SON: variants seen among roughly 807,000 people sequenced by gnomAD.
The protein encoded by SON is SON DNA and RNA binding protein, also known as protein SON.
Under a neutral mutation model 173.3 loss-of-function variants are expected in SON, and 4 were observed. That is an observed-to-expected ratio of 0.02 (90% CI 0.01 to 0.05). The LOEUF is 0.05. Ranked by LOEUF, SON falls within the 10% of genes least tolerant of loss-of-function variation. The pLI is 1.00. For synonymous variants in SON, 1,190 were observed against 1,105.9 expected (o/e 1.08, Z -1.51); for missense variants, 2,626 against 3,055.3 (o/e 0.86, Z 3.31).
rs552052844 is a variant in SON, at chr21:33,559,295, G to C, written c.6387G>C (p.Ser2129=). 3.1e-6 allele frequency: 5 copies of C among 1,611,448 alleles called. No homozygotes were observed. Among genetic ancestry groups the C allele is most frequent in the Non-Finnish European group, 4.2e-6 (5 of 1,178,466 alleles). The change falls in exon 5 of 12, where the codon TCG becomes TCC. Residue 2129 remains serine (S), a synonymous_variant. Coordinates refer to ENST00000356577, the MANE Select transcript of SON (RefSeq NM_138927.4). This position sits in a 1 kb window ranked among gnomAD's most constrained non-coding sequence, Gnocchi z 4.1. ...TAATAGTGAATAAACCTCATGTTTC[G>C]GATGAAGAGGAAGAAGAACCTCCTT... The part of the protein sequence containing the change: ...DDVIVNKPHV[S]DEEEEEPPFY...
rs1008838311 is a variant in SON at position 33,550,216 on chromosome 21, C to T, written c.985C>T (p.Pro329Ser). 59 of 1,614,110 alleles carry T rather than the reference C, an allele frequency of 3.7e-5. No homozygotes were observed. Among genetic ancestry groups the T allele is most frequent in the Non-Finnish European group, 4.7e-5 (56 of 1,180,044 alleles). Residue 329 changes from proline to serine, a missense_variant, in exon 3 of 12, where the codon CCA (proline) becomes TCA (serine). Coordinates refer to ENST00000356577, the MANE Select transcript of SON (RefSeq NM_138927.4). ...EPSTSTTMDFPESSAIEALRL... is the reference protein window; with the variant it reads ...EPSTSTTMDFSESSAIEALRL... ...AAGCACATCAACAACAATGGATTTT[C>T]CAGAGTCATCTGCAATTGAAGCGCT...
At position 33,552,878 on chromosome 21, in the gene SON, G is replaced by A; in HGVS notation, c.3647G>A (p.Ser1216Asn). ...ESVSQPEPPVSQSEISEPSAV... is the reference protein window; with the variant it reads ...ESVSQPEPPVNQSEISEPSAV... The stretch of plus-strand genomic sequence containing the variant: ...GTATCGCAGCCTGAGCCTCCTGTGA[G>A]TCAAAGTGAGATTTCGGAGCCTTCA... The change falls in exon 3 of 12, where the codon AGT becomes AAT. Residue 1216 changes from serine to asparagine, a missense_variant. Transcript: ENST00000356577. This position sits in a 1 kb window ranked among gnomAD's most constrained non-coding sequence, Gnocchi z 5.6. The A allele has an allele frequency of 6.2e-7, 1 of 1,613,692 alleles. No homozygotes were observed. The highest frequency in any genetic ancestry group is 8.5e-7 in the Non-Finnish European group (1 of 1,179,666).
rs1364553804 is a variant in SON, at chr21:33,559,173, A to G, written c.6322-57A>G. Reference sequence around the variant, plus strand: ...TATTATGTGGTTTTGATTCTAAGAAATTACATGTTCTACATAAAGCGTAAG... The same window carrying G: ...TATTATGTGGTTTTGATTCTAAGAAGTTACATGTTCTACATAAAGCGTAAG... On this transcript the variant is annotated intron_variant, in intron 4 of 11. Transcript: ENST00000356577. The surrounding 1 kb of genome is among the most constrained non-coding windows in gnomAD (Gnocchi z 4.1). 7.5e-7 allele frequency: 1 copy of G among 1,339,126 alleles called. No individual in the cohort carries two copies. The highest frequency in any genetic ancestry group is 1.0e-6 in the Non-Finnish European group (1 of 1,002,378). The allele number at this position is 1,339,126 out of a possible 1,614,324, so 83.0% of individuals were successfully genotyped here. A position where few individuals can be genotyped will look rare whatever the true frequency, so the allele number is the denominator to read the frequency against.
At chr21:33,574,460 T>C (rs2086354559) in intron 9 of SON, among the ~76,000 whole-genome samples, 1 of 152,226 alleles carries the variant, frequency 6.6e-6, no homozygotes, top group Non-Finnish European at 1.5e-5. Context: ...TTTCCCAGGA[T>C]AGGTTTAGAA....
Position 33,553,394 on chromosome 21 carries a change from T to G in SON, c.4163T>G (p.Val1388Gly). The change falls in exon 3 of 12, where the codon GTT becomes GGT. Residue 1388 changes from valine to glycine, a missense_variant. Coordinates refer to ENST00000356577, the MANE Select transcript of SON (RefSeq NM_138927.4). Reference sequence around the variant, plus strand: ...ACTGTAACTGTCCTGGAGCCTTCGGTTGTGACTGTCCCGGAGCCTCCTGTT... The same window carrying G: ...ACTGTAACTGTCCTGGAGCCTTCGGGTGTGACTGTCCCGGAGCCTCCTGTT... ...SSTVTVLEPS[V>G]VTVPEPPVVA... The G allele has an allele frequency of 6.2e-7, 1 of 1,613,592 alleles. No individual in the cohort carries two copies.
chr21:33,556,217 G>A (rs1251895980), intron 3 of SON, among the ~76,000 whole-genome samples: 1 of 152,170 alleles, frequency 6.6e-6, no homozygotes, highest in Non-Finnish European at 1.5e-5. Context: ...CACAGCAGAG[G>A]AACAGTATGT....
intron 1 of SON, chr21:33,543,469 C>T (rs1446032848): frequency 4.7e-6 from 2 of 422,710 alleles, no homozygotes; most frequent in East Asian, 4.8e-5. Flanking sequence ...TACTCGTAGG[C>T]CCGGTTGTCC....
intron 8 of SON, chr21:33,569,663 C>T: frequency 2.2e-6 from 1 of 448,856 alleles, no homozygotes; most frequent in Middle Eastern, 3.4e-4. Flanking sequence ...TTGTCAGCTG[C>T]TGGTTACAGC....
chr21:33,550,940 C>T lies in SON; in HGVS notation c.1709C>T (p.Pro570Leu), dbSNP rs1472398516. 1 of 1,605,310 alleles carries T rather than the reference C, an allele frequency of 6.2e-7. No homozygotes were observed. The highest frequency in any genetic ancestry group is 1.7e-5 in the Admixed American group (1 of 59,414). Residue 570 changes from proline (P) to leucine (L), a missense_variant, in exon 3 of 12, where the codon CCA becomes CTA. Coordinates refer to ENST00000356577, the MANE Select transcript of SON (RefSeq NM_138927.4). The part of the protein sequence containing the change: ...LPGQPSVTGV[P>L]ELPGLPSATR... ...GGGCAGCCTTCGGTGACTGGGGTGC[C>T]AGAGTTGCCAGGGCTGCCTTCGGCA...
intron 6 of SON, among the ~76,000 whole-genome samples, chr21:33,561,626 G>A (rs1298909062): frequency 1.3e-5 from 2 of 152,024 alleles, no homozygotes; most frequent in African/African-American, 4.8e-5. Flanking sequence ...TTTTTTGAGA[G>A]AGAGAGAGTG....
At chr21:33,570,544 G>A (rs1232170660) in intron 8 of SON, among the ~76,000 whole-genome samples, 1 of 152,096 alleles carries the variant, frequency 6.6e-6, no homozygotes, top group Non-Finnish European at 1.5e-5. Flanking sequence ...TTAGAATAAA[G>A]GGTGAAAATG....
Position 33,554,510 on chromosome 21 carries a change from A to G in SON, c.5279A>G (p.Asp1760Gly). Residue 1760 changes from aspartate (D) to glycine (G), a missense_variant, in exon 3 of 12, where the codon GAT becomes GGT. Transcript: ENST00000356577. ...ATTGAAGGACCTTTACTTGCAAGTG[A>G]TGTTGGACGTGACAGATCTGCTGCC... is the stretch of plus-strand genomic sequence containing the variant. ...AGIEGPLLAS[D>G]VGRDRSAASP... 6.2e-7 allele frequency: 1 copy of G among 1,614,154 alleles called. No individual in the cohort carries two copies. The highest frequency in any genetic ancestry group is 1.1e-5 in the South Asian group (1 of 91,076).
In SON at chr21:33,546,508, G is replaced by A. The variant is rs548583552; in HGVS notation, c.244+129G>A. 144 of 696,636 alleles carry A rather than the reference G, an allele frequency of 2.1e-4. 3 individuals carry two copies. The South Asian group carries it at 2.5e-3, about 12-fold the overall frequency. The allele number at this position is 696,636 out of a possible 1,614,324, so 43.2% of individuals were successfully genotyped here. A position where few individuals can be genotyped will look rare whatever the true frequency, so the allele number is the denominator to read the frequency against. ...AAATTAAAAACTTTAGGCTGGGTGC[G>A]ATGGCTCACGCCTGTAATCCCAGCA... On this transcript the variant is annotated intron_variant, in intron 2 of 11. Coordinates refer to ENST00000356577, the MANE Select transcript of SON (RefSeq NM_138927.4).
intron 8 of SON, among the ~76,000 whole-genome samples, chr21:33,571,214 T>C (rs2086277591): frequency 1.3e-5 from 2 of 152,188 alleles, no homozygotes; most frequent in Admixed American, 1.3e-4. Context: ...TTGATGCTAG[T>C]ATCAACTAAA....
At chr21:33,560,116 T>C in intron 6 of SON, 1 of 1,612,288 alleles carries the variant, frequency 6.2e-7, no homozygotes, top group Non-Finnish European at 8.5e-7. Context: ...TCTATAGCTC[T>C]AGATTTTGGT....
chr21:33,553,462 T>G lies in SON; in HGVS notation c.4231T>G (p.Ser1411Ala). ...TGTTACCATTCCTGTGCCAGTTGTT[T>G]CTGCGCTGGAGCCTTCTGTGCCTGT... The part of the protein sequence containing the change: ...DYVTIPVPVV[S>A]ALEPSVPVLE... The change falls in exon 3 of 12, where the codon TCT (serine) becomes GCT (alanine). Residue 1411 changes from serine (S) to alanine (A), a missense_variant. Physicochemically the swap from Ser to Ala is moderately conservative, Grantham distance 99 (BLOSUM62 1). Coordinates refer to ENST00000356577, the MANE Select transcript of SON (RefSeq NM_138927.4). 6.2e-7 allele frequency: 1 copy of G among 1,614,254 alleles called. No individual in the cohort carries two copies. The highest frequency in any genetic ancestry group is 1.3e-5 in the African/African-American group (1 of 75,060).
Position 33,551,135 on chromosome 21 carries a change from A to G in SON, c.1904A>G (p.Gln635Arg). Residue 635 changes from glutamine (Q) to arginine (R), a missense_variant, in exon 3 of 12, where the codon CAG (glutamine) becomes CGG (arginine). By Grantham distance (43) the Gln-to-Arg change is conservative. Around this residue, in one of 13 missense-constraint regions of SON, gnomAD observed 182 missense variants for 193.6 expected, o/e 0.94. Coordinates refer to ENST00000356577, the MANE Select transcript of SON (RefSeq NM_138927.4). The part of the protein sequence containing the change: ...LATGVLELPG[Q>R]PGAPELPGQP... Reference sequence around the variant, plus strand: ...ACAGGGGTGCTGGAGTTGCCAGGGCAGCCTGGGGCGCCAGAGTTGCCTGGG... The same window carrying G: ...ACAGGGGTGCTGGAGTTGCCAGGGCGGCCTGGGGCGCCAGAGTTGCCTGGG... 6.2e-7 allele frequency: 1 copy of G among 1,612,794 alleles called. No individual in the cohort carries two copies. Among genetic ancestry groups the G allele is most frequent in the Non-Finnish European group, 8.5e-7 (1 of 1,179,278 alleles).
rs1569054983 is a variant in SON at position 33,552,276 on chromosome 21, C to T, written c.3045C>T (p.Arg1015=). 2 of 1,614,102 alleles carry T rather than the reference C, an allele frequency of 1.2e-6. No individual in the cohort carries two copies. Among genetic ancestry groups the T allele is most frequent in the South Asian group, 1.1e-5 (1 of 91,086 alleles). The change falls in exon 3 of 12, where the codon CGC becomes CGT. Residue 1015 remains arginine (R), a synonymous_variant. Coordinates refer to ENST00000356577, the MANE Select transcript of SON (RefSeq NM_138927.4). The surrounding 1 kb of genome is among the most constrained non-coding windows in gnomAD (Gnocchi z 5.6). ...AERSMMSSYE[R]SMMSYERSMM... ...GTTCCATGATGTCATCTTACGAACGCTCTATGATGTCTTATGAGCGGTCTA... is the reference window on the plus strand; with the variant it reads ...GTTCCATGATGTCATCTTACGAACGTTCTATGATGTCTTATGAGCGGTCTA...
intron 8 of SON, among the ~76,000 whole-genome samples, chr21:33,571,004 A>T (rs1343971557): frequency 2.1e-5 from 1 of 47,846 alleles, no homozygotes; most frequent in East Asian, 5.7e-3. Context: ...TAGGCAGTTA[A>T]CAGACTTTAA....
Sources: gnomAD v4.1 joint callset for allele counts (sites outside exome capture counted in the v4.1 genomes callset) on GRCh38, gnomAD v4.1.1 for gene constraint, gnomAD v4.1.1 regional missense constraint, Gnocchi (gnomAD v3.1) non-coding constraint, MANE v1.5 for transcripts, NCBI Gene and HGNC (gene_info 2026-07-23, HGNC 2026-07-21) for gene names.